NCOA1: variants seen among roughly 807,000 people sequenced by gnomAD.
The protein encoded by NCOA1 is nuclear receptor coactivator 1.
A neutral mutation model predicts 150.9 loss-of-function variants in NCOA1; 35 were observed. That is an observed-to-expected ratio of 0.23 (90% CI 0.18 to 0.31). NCOA1 has a LOEUF of 0.31. Ranked by LOEUF, NCOA1 falls within the 10% of genes least tolerant of loss-of-function variation. The pLI is 1.00. For missense variants in NCOA1, 1,491 were observed against 1,749.3 expected, an observed-to-expected ratio of 0.85 and a Z score of 2.63; for synonymous variants, 590 against 630.0, an observed-to-expected ratio of 0.94 and a Z score of 0.95.
chr2:24,599,751 G>T (rs1397823907), intron 3 of NCOA1, among the ~76,000 whole-genome samples: 1 of 130,028 alleles, frequency 7.7e-6, no homozygotes, highest in Admixed American at 8.7e-5. Flanking sequence ...TTTTGAGACC[G>T]AGTCTCACTC....
In NCOA1 at chr2:24,521,807, C is replaced by T. The variant is rs139969567; in HGVS notation, c.-396+30205C>T. ...TTTAATTTTTTGAGGAACCTCCCTA[C>T]TATTTTTCATAATGGCTGTACCAAT... On this transcript the variant is annotated intron_variant, in intron 1 of 22. Coordinates refer to ENST00000348332, the MANE Select transcript of NCOA1 (RefSeq NM_003743.5). Among the ~76,000 whole-genome samples, 791 of 152,298 alleles carry T rather than the reference C, an allele frequency of 5.2e-3. 6 individuals carry two copies. Among genetic ancestry groups the T allele is most frequent in the Admixed American group, 0.011 (164 of 15,298 alleles).
At chr2:24,761,781 C>T (rs1340516290) in intron 21 of NCOA1, among the ~76,000 whole-genome samples, 2 of 152,120 alleles carry the variant, frequency 1.3e-5, no homozygotes, top group African/African-American at 2.4e-5. Context: ...TTGTTTACTG[C>T]GACCAAAGCA....
chr2:24,636,151 A>G (rs1669930911), intron 3 of NCOA1, among the ~76,000 whole-genome samples: 1 of 152,192 alleles, frequency 6.6e-6, no homozygotes, highest in African/African-American at 2.4e-5. Context: ...AAAGTAAACC[A>G]TTCATTTTCT....
intron 2 of NCOA1, among the ~76,000 whole-genome samples, chr2:24,576,149 G>GTTTTTTCTTTTTTT (rs1666947518): frequency 1.1e-5 from 1 of 94,026 alleles, no homozygotes. Flanking sequence ...TTTGGCCTTT[G>GTTTTTTCTTTTTTT]TTTTTTTTTT....
intron 1 of NCOA1, among the ~76,000 whole-genome samples, chr2:24,540,386 T>C (rs1665337238): frequency 6.6e-6 from 1 of 152,018 alleles, no homozygotes; most frequent in Non-Finnish European, 1.5e-5. Flanking sequence ...ATATAGTTGT[T>C]GAAATGGAAC....
chr2:24,756,866 T>C (rs541088034), intron 20 of NCOA1, among the ~76,000 whole-genome samples: 1 of 152,320 alleles, frequency 6.6e-6, no homozygotes, highest in South Asian at 2.1e-4. Context: ...ATCTTTGGTG[T>C]AACAACAGTC....
chr2:24,715,622 G>A (rs909152496), intron 14 of NCOA1, among the ~76,000 whole-genome samples: 5 of 152,074 alleles, frequency 3.3e-5, no homozygotes, highest in Admixed American at 3.3e-4. Context: ...ATTGGATAAT[G>A]ATATAGAAAA....
At chr2:24,570,386 G>A (rs937177853) in intron 2 of NCOA1, among the ~76,000 whole-genome samples, 2 of 152,150 alleles carry the variant, frequency 1.3e-5, no homozygotes, top group Non-Finnish European at 2.9e-5. Context: ...GAGACAATCT[G>A]AGCATCAGTA....
chr2:24,741,035 A>G (rs1663574690), intron 18 of NCOA1, among the ~76,000 whole-genome samples: 1 of 152,146 alleles, frequency 6.6e-6, no homozygotes, highest in Admixed American at 6.5e-5. Context: ...TAATAATACA[A>G]AATAGCTGTT....
intron 22 of NCOA1, among the ~76,000 whole-genome samples, chr2:24,766,830 G>A (rs534556130): frequency 1.3e-5 from 2 of 152,288 alleles, no homozygotes; most frequent in East Asian, 3.9e-4. Context: ...AGAGGCAGCT[G>A]GAGAGCAGAC....
At chr2:24,723,672 T>G (rs1674466312) in intron 14 of NCOA1, among the ~76,000 whole-genome samples, 1 of 152,218 alleles carries the variant, frequency 6.6e-6, no homozygotes, top group African/African-American at 2.4e-5. Flanking sequence ...AGATCATATT[T>G]TAATGATTTT....
At chr2:24,734,802 T>TC (rs1416892308) in intron 17 of NCOA1, among the ~76,000 whole-genome samples, 1 of 137,926 alleles carries the variant, frequency 7.3e-6, no homozygotes, top group Non-Finnish European at 1.6e-5. Flanking sequence ...AGACCTTGTC[T>TC]CTAAAAAAAA....
At chr2:24,725,714 CGTGTGTGTGTGTGTGTGTGT>C (rs57720230) in intron 14 of NCOA1, among the ~76,000 whole-genome samples, 4 of 148,874 alleles carry the variant, frequency 2.7e-5, no homozygotes, top group South Asian at 4.2e-4. Flanking sequence ...CTAAAGTGTG[CGTGTGTGTGTGTGTGTGTGT>C]GTGTGTGTGT....
At chr2:24,715,819 C>A (rs1415601136) in intron 14 of NCOA1, among the ~76,000 whole-genome samples, 1 of 151,982 alleles carries the variant, frequency 6.6e-6, no homozygotes, top group Non-Finnish European at 1.5e-5. Context: ...CAAAATCAAC[C>A]CATGTAAATT....
In NCOA1 at chr2:24,742,205, T is replaced by C. The variant is rs1279988941; in HGVS notation, c.3706+19T>C. 1.9e-6 allele frequency: 3 copies of C among 1,592,420 alleles called. No individual in the cohort carries two copies. The highest frequency in any genetic ancestry group is 2.3e-5 in the South Asian group (2 of 86,410). ...GGAGCAGGTAGGAAGGTCACAACTT[T>C]ATGTTGTTCTAAGTAATCCATACAG... On this transcript the variant is annotated intron_variant, in intron 19 of 22. Transcript: ENST00000348332.
intron 4 of NCOA1, among the ~76,000 whole-genome samples, chr2:24,645,520 A>G (rs1256282911): frequency 6.6e-6 from 1 of 151,744 alleles, no homozygotes; most frequent in Non-Finnish European, 1.5e-5. Flanking sequence ...GAAAAAAAAA[A>G]AAAAAAAAAA....
intron 1 of NCOA1, among the ~76,000 whole-genome samples, chr2:24,493,122 T>C (rs1299826177): frequency 1.3e-5 from 2 of 152,210 alleles, no homozygotes; most frequent in African/African-American, 4.8e-5. Flanking sequence ...TAGAAATAGT[T>C]TTGGGTTAAA....
Position 24,741,945 on chromosome 2 carries a change from G to T in NCOA1, c.3465G>T (p.Gly1155=). 6.2e-7 allele frequency: 1 copy of T among 1,614,172 alleles called. No homozygotes were observed. Among genetic ancestry groups the T allele is most frequent in the Non-Finnish European group, 8.5e-7 (1 of 1,180,026 alleles). The change falls in exon 19 of 23, where the codon GGG becomes GGT. Residue 1155 remains glycine, a synonymous_variant. Transcript: ENST00000348332. ...CATCTGGACTACCAGTTCAAATGGG[G>T]AACCCCCGTCTTCCTCAGGGTGCTC... ...PPSSGLPVQM[G]NPRLPQGAPQ...
At chr2:24,658,126 A>G (rs1397568463) in intron 4 of NCOA1, among the ~76,000 whole-genome samples, 2 of 152,252 alleles carry the variant, frequency 1.3e-5, no homozygotes, top group Non-Finnish European at 2.9e-5. Flanking sequence ...GGTTAGGAGT[A>G]TAGAACTCAC....
Sources: allele counts gnomAD v4.1 joint callset (sites outside exome capture counted in the v4.1 genomes callset), GRCh38; gene constraint gnomAD v4.1.1; transcripts MANE v1.5; gene names NCBI Gene and HGNC (gene_info 2026-07-23, HGNC 2026-07-21).